Variants in CSMD1 observed in about 807,000 individuals in gnomAD.
CSMD1 encodes the protein CUB and sushi domain-containing protein 1.
Under a neutral mutation model 417.5 loss-of-function variants are expected in CSMD1, and 213 were observed. That is an observed-to-expected ratio of 0.51 (90% confidence interval 0.46 to 0.57). The LOEUF is 0.57. Ranked by LOEUF, CSMD1 falls within the 20% of genes least tolerant of loss-of-function variation. The pLI, the probability that CSMD1 is intolerant of heterozygous loss-of-function variation, is 0.00. For missense variants in CSMD1, 6,923 were observed against 4,529.7 expected (o/e 1.53, Z -15.17); for synonymous variants, 2,862 against 1,736.8 (o/e 1.65, Z -16.11).
At chr8:3,146,504 C>G (rs2129033543) in intron 40 of CSMD1, among the ~76,000 whole-genome samples, 1 of 152,218 alleles carries the variant, frequency 6.6e-6, no homozygotes, top group South Asian at 2.1e-4. Context: ...AATAAGGAAA[C>G]AAGTTTCAAA....
intron 3 of CSMD1, among the ~76,000 whole-genome samples, chr8:4,174,245 A>G (rs1797918940): frequency 6.6e-6 from 1 of 152,154 alleles, no homozygotes; most frequent in African/African-American, 2.4e-5. Context: ...CAAAGCGCTA[A>G]AAAGGAAATG....
chr8:3,678,000 G>A (rs1448505600), intron 7 of CSMD1, among the ~76,000 whole-genome samples: 2 of 152,076 alleles, frequency 1.3e-5, no homozygotes, highest in Non-Finnish European at 2.9e-5. Context: ...CTCCATCTGG[G>A]GTGTCTGCCT....
chr8:3,672,712 G>A (rs774882643), intron 7 of CSMD1, among the ~76,000 whole-genome samples: 1 of 152,154 alleles, frequency 6.6e-6, no homozygotes, highest in East Asian at 1.9e-4. Context: ...CATGGTGGTG[G>A]TTTGAAATTG....
Position 4,854,232 on chromosome 8 carries a change from T to C in CSMD1, c.85+140100A>G, listed in dbSNP as rs182904837. On this transcript the variant is annotated intron_variant, in intron 1 of 69. Transcript: ENST00000635120. ...GGAGTGGAAAGATATGATTTGGGTA[T>C]TTGCTCTCTATAAGTCTTATGTTGA... Among the ~76,000 whole-genome samples, 85 of 152,244 alleles carry C rather than the reference T, an allele frequency of 5.6e-4. 1 individual carries two copies. Among genetic ancestry groups the C allele is most frequent in the African/African-American group, 2.0e-3 (83 of 41,544 alleles).
chr8:4,847,351 C>T (rs1801201603), intron 1 of CSMD1, among the ~76,000 whole-genome samples: 1 of 152,174 alleles, frequency 6.6e-6, no homozygotes, highest in Non-Finnish European at 1.5e-5. Flanking sequence ...TAAACAATGA[C>T]ACTAACATCA....
chr8:4,740,389 G>C (rs1810526825), intron 1 of CSMD1, among the ~76,000 whole-genome samples: 1 of 152,080 alleles, frequency 6.6e-6, no homozygotes, highest in Admixed American at 6.6e-5. Flanking sequence ...ATTAGAATGA[G>C]GAAATAGCAG....
intron 42 of CSMD1, among the ~76,000 whole-genome samples, chr8:3,117,727 T>G (rs7838085): frequency 0.29 from 44,352 of 152,050 alleles, 11,181 homozygotes; most frequent in African/African-American, 0.68. Flanking sequence ...AAAAAGGACG[T>G]CTAAAGAGAC....
At chr8:4,445,169 C>G (rs1008415695) in intron 2 of CSMD1, among the ~76,000 whole-genome samples, 6 of 152,144 alleles carry the variant, frequency 3.9e-5, no homozygotes, top group African/African-American at 9.7e-5. Context: ...CTAGAAGAAT[C>G]TGACACCTTT....
chr8:3,966,772 C>T (rs1471434439), intron 5 of CSMD1, among the ~76,000 whole-genome samples: 2 of 151,840 alleles, frequency 1.3e-5, no homozygotes, highest in Admixed American at 6.6e-5. Flanking sequence ...CGCGCACACA[C>T]ACTGATTTAT....
At chr8:3,652,127 GCGCTT>G (rs1797888627) in intron 7 of CSMD1, among the ~76,000 whole-genome samples, 3 of 78,716 alleles carry the variant, frequency 3.8e-5, no homozygotes, top group African/African-American at 1.7e-4. Flanking sequence ...TACCATCAGA[GCGCTT>G]ACCACCATCA....
chr8:4,119,996 G>T (rs1487524158), intron 3 of CSMD1, among the ~76,000 whole-genome samples: 2 of 152,094 alleles, frequency 1.3e-5, no homozygotes, highest in Admixed American at 6.5e-5. Context: ...GTATTTGATA[G>T]CACAATAGGG....
chr8:3,550,048 A>G (rs1798841948), intron 10 of CSMD1, among the ~76,000 whole-genome samples: 1 of 152,184 alleles, frequency 6.6e-6, no homozygotes, highest in South Asian at 2.1e-4. Flanking sequence ...TTCTTGTTTC[A>G]TATTGAAAAT....
intron 1 of CSMD1, among the ~76,000 whole-genome samples, chr8:4,774,673 G>A (rs1280580076): frequency 6.6e-6 from 1 of 152,050 alleles, no homozygotes; most frequent in Non-Finnish European, 1.5e-5. Context: ...GTTGGAGATG[G>A]CAGAAGTATT....
At chr8:3,442,272 A>C (rs1815034484) in intron 12 of CSMD1, among the ~76,000 whole-genome samples, 1 of 152,148 alleles carries the variant, frequency 6.6e-6, no homozygotes, top group African/African-American at 2.4e-5. Context: ...AAATTTTATA[A>C]ATAAATGTAC....
At chr8:4,396,155 T>A (rs1260123324) in intron 3 of CSMD1, among the ~76,000 whole-genome samples, 1 of 152,112 alleles carries the variant, frequency 6.6e-6, no homozygotes, top group East Asian at 1.9e-4. Flanking sequence ...ATAGAAGTAA[T>A]TATTTGCAAA....
chr8:4,609,611 G>A (rs1801061410), intron 2 of CSMD1, among the ~76,000 whole-genome samples: 1 of 152,146 alleles, frequency 6.6e-6, no homozygotes, highest in Non-Finnish European at 1.5e-5. Flanking sequence ...GATCTTATTA[G>A]CAAAATGGCA....
intron 7 of CSMD1, among the ~76,000 whole-genome samples, chr8:3,692,842 G>A (rs1156884982): frequency 6.6e-6 from 1 of 152,110 alleles, no homozygotes; most frequent in African/African-American, 2.4e-5. Context: ...TTAGGCATTA[G>A]TAATGTTTCT....
intron 5 of CSMD1, among the ~76,000 whole-genome samples, chr8:3,789,880 C>G (rs1227944871): frequency 1.3e-5 from 2 of 151,924 alleles, no homozygotes; most frequent in African/African-American, 4.8e-5. Context: ...TACAGCTGCC[C>G]ACCACCACGC....
In CSMD1 at chr8:3,524,828, A is replaced by C. The variant is rs546158015; in HGVS notation, c.1345-31102T>G. Among the ~76,000 whole-genome samples, 4 of 152,230 alleles carry C rather than the reference A, an allele frequency of 2.6e-5. No individual in the cohort carries two copies. The East Asian group carries it at 7.7e-4, about 29-fold the overall frequency. Reference sequence around the variant, plus strand: ...CACACATGCACAGACACACATGCACACACAGAGCCTTTACAACTTCCTTTC... The same window carrying C: ...CACACATGCACAGACACACATGCACCCACAGAGCCTTTACAACTTCCTTTC... On this transcript the variant is annotated intron_variant, in intron 10 of 69. Coordinates refer to ENST00000635120, the MANE Select transcript of CSMD1 (RefSeq NM_033225.6).
Sources: allele counts gnomAD v4.1 joint callset (sites outside exome capture counted in the v4.1 genomes callset), GRCh38; gene constraint gnomAD v4.1.1; transcripts MANE v1.5; gene names NCBI Gene and HGNC (gene_info 2026-07-23, HGNC 2026-07-21).